DMD: variants seen among roughly 807,000 people sequenced by gnomAD.
The protein encoded by DMD is mutant dystrophin.
Under a neutral mutation model 330.1 loss-of-function variants are expected in DMD, and 63 were observed. The observed-to-expected ratio is 0.19, with a 90% CI of 0.16 to 0.24. DMD has a LOEUF of 0.24. DMD is among the 10% of genes least tolerant of loss of function. The pLI is 1.00. For missense variants in DMD, 3,344 were observed against 2,684.1 expected, an observed-to-expected ratio of 1.25 and a Z score of -5.43; for synonymous variants, 1,223 against 959.8, an observed-to-expected ratio of 1.27 and a Z score of -5.07.
Position 31,563,553 on chromosome X carries a change from C to T in DMD, c.8218-56100G>A, listed in dbSNP as rs1034368554. 7.1e-5 allele frequency among the ~76,000 whole-genome samples: 8 copies of T among 111,940 alleles called. No homozygotes were observed. The East Asian group carries it at 1.4e-3, about 20-fold the overall frequency. ...TTTTCATGCATTCCTGAGATACTTG[C>T]GATTATTTATTATTTCATATGAACT... On this transcript the variant is annotated intron_variant, in intron 55 of 78. Coordinates refer to ENST00000357033, the MANE Select transcript of DMD (RefSeq NM_004006.3).
rs796623069 is a variant in DMD, at chrX:32,554,941, G to GAAAGAAAGAA, written c.1993-9608_1993-9607insTTCTTTCTTT. 8.7e-4 allele frequency among the ~76,000 whole-genome samples: 26 copies of GAAAGAAAGAA among 29,901 alleles called. 1 individual carries two copies. The highest frequency in any genetic ancestry group is 1.3e-3 in the Admixed American group (3 of 2,343). 26.0% of individuals were successfully genotyped at this position (29,901 alleles called of 115,157 possible). ...AGAAAGAAAGAAAGAAAGAAAGAAA[G>GAAAGAAAGAA]AGAGAGAGAGGGAGAGAGAAAGAAA... On this transcript the variant is annotated intron_variant, in intron 16 of 78. Transcript: ENST00000357033.
chrX:33,220,055 G>A (rs186857872), intron 1 of DMD, among the ~76,000 whole-genome samples: 2 of 111,523 alleles, frequency 1.8e-5, no homozygotes, highest in Admixed American at 1.9e-4. Context: ...AATAGAAAAG[G>A]GCAGTCACTA....
chrX:31,318,363 C>A (rs893093756), intron 62 of DMD, among the ~76,000 whole-genome samples: 5 of 112,195 alleles, frequency 4.5e-5, no homozygotes, highest in Non-Finnish European at 9.4e-5. Context: ...ACAAATAGAG[C>A]TATAGGAATG....
intron 1 of DMD, among the ~76,000 whole-genome samples, chrX:33,072,708 T>C (rs2094778627): frequency 9.0e-6 from 1 of 111,350 alleles, no homozygotes; most frequent in African/African-American, 3.3e-5. Flanking sequence ...AGCAGCTCGG[T>C]GAGCATTTCA....
At chrX:32,383,732 C>T (rs1032045477) in intron 33 of DMD, among the ~76,000 whole-genome samples, 3 of 110,637 alleles carry the variant, frequency 2.7e-5, no homozygotes, top group African/African-American at 9.8e-5. Context: ...CACAAGCTCT[C>T]AGATATGTAT....
intron 60 of DMD, among the ~76,000 whole-genome samples, chrX:31,356,829 GTTTCA>G (rs2058698015): frequency 1.8e-5 from 2 of 108,625 alleles, no homozygotes; most frequent in Non-Finnish European, 3.8e-5. Context: ...CTCCTATCCT[GTTTCA>G]TTTGTCAAAA....
intron 44 of DMD, among the ~76,000 whole-genome samples, chrX:32,015,634 T>A (rs958408475): frequency 1.8e-5 from 2 of 112,131 alleles, no homozygotes; most frequent in Non-Finnish European, 3.8e-5. Context: ...ACTTTAATAA[T>A]CTACTGGCTT....
chrX:31,670,445 T>C (rs1185379246), intron 53 of DMD, among the ~76,000 whole-genome samples: 1 of 111,923 alleles, frequency 8.9e-6, no homozygotes, highest in Non-Finnish European at 1.9e-5. Flanking sequence ...TTTTATCAGG[T>C]TGAGGAAATC....
rs146720672 is a variant in DMD, at chrX:32,825,135, A to G, written c.265-1748T>C. Among the ~76,000 whole-genome samples the G allele has an allele frequency of 1.9e-3, 214 of 111,962 alleles. 1 individual carries two copies. The East Asian group carries it at 0.04, about 21-fold the overall frequency. The stretch of plus-strand genomic sequence containing the variant: ...GATAGTGACAATCAGATGATATAGC[A>G]CTAAAGACTCAAGCAGTTAAGCAGA... On this transcript the variant is annotated intron_variant, in intron 4 of 78. Coordinates refer to ENST00000357033, the MANE Select transcript of DMD (RefSeq NM_004006.3).
chrX:31,593,417 A>G (rs1328052375), intron 55 of DMD, among the ~76,000 whole-genome samples: 2 of 111,508 alleles, frequency 1.8e-5, no homozygotes, highest in Non-Finnish European at 3.8e-5. Flanking sequence ...ACAGAACACC[A>G]ATAAAATAAA....
At chrX:32,280,025 CATAT>C (rs1191430175) in intron 43 of DMD, among the ~76,000 whole-genome samples, 3 of 100,436 alleles carry the variant, frequency 3.0e-5, no homozygotes, top group African/African-American at 1.1e-4. Context: ...ATGTACCCCA[CATAT>C]ATATATACCC....
intron 55 of DMD, among the ~76,000 whole-genome samples, chrX:31,509,299 C>G (rs772606744): frequency 1.5e-4 from 17 of 111,759 alleles, no homozygotes; most frequent in Non-Finnish European, 2.6e-4. Flanking sequence ...CTAATTTGCA[C>G]TTCTTCAGCA....
At chrX:31,476,316 A>G (rs1483909558) in intron 59 of DMD, among the ~76,000 whole-genome samples, 1 of 105,033 alleles carries the variant, frequency 9.5e-6, no homozygotes, top group East Asian at 3.0e-4. Flanking sequence ...CTATATCTAT[A>G]TCTATGTGTA....
intron 13 of DMD, among the ~76,000 whole-genome samples, chrX:32,578,780 T>C (rs2053340186): frequency 1.8e-5 from 2 of 111,230 alleles, no homozygotes; most frequent in African/African-American, 6.5e-5. Flanking sequence ...GTATATCCAC[T>C]AAGGCGGAAA....
At chrX:32,574,564 A>AG (rs2052803764) in intron 13 of DMD, among the ~76,000 whole-genome samples, 1 of 111,915 alleles carries the variant, frequency 8.9e-6, no homozygotes, top group African/African-American at 3.2e-5. Flanking sequence ...GAAGCATTTC[A>AG]AAATGGCAGT....
intron 37 of DMD, among the ~76,000 whole-genome samples, chrX:32,358,058 T>C (rs2097812384): frequency 9.1e-6 from 1 of 109,791 alleles, no homozygotes; most frequent in African/African-American, 3.3e-5. Flanking sequence ...TAGCAATAGA[T>C]CCCCCTCACT....
chrX:32,387,864 G>A (rs1431132082), intron 32 of DMD, among the ~76,000 whole-genome samples: 1 of 111,310 alleles, frequency 9.0e-6, no homozygotes, highest in African/African-American at 3.3e-5. Flanking sequence ...TTTTGATGAA[G>A]AAAGTTCCCT....
chrX:33,296,758 C>T (rs912469960), intron 1 of DMD, among the ~76,000 whole-genome samples: 4 of 110,347 alleles, frequency 3.6e-5, no homozygotes, highest in Admixed American at 9.7e-5. Flanking sequence ...ATATACATAG[C>T]CCATATGTCA....
chrX:32,536,767 A>G (rs1462201513), intron 17 of DMD, among the ~76,000 whole-genome samples: 1 of 111,790 alleles, frequency 8.9e-6, no homozygotes, highest in East Asian at 2.8e-4. Flanking sequence ...TTTTTTTAAA[A>G]AAGGAGCAGA....
Sources: gnomAD v4.1 joint callset for allele counts (sites outside exome capture counted in the v4.1 genomes callset) on GRCh38, gnomAD v4.1.1 for gene constraint, MANE v1.5 for transcripts, NCBI Gene and HGNC (gene_info 2026-07-23, HGNC 2026-07-21) for gene names.